The following POLH variants were observed in gnomAD, a reference collection of about 807,000 sequenced individuals.
POLH encodes the protein DNA polymerase eta, also known as DNA polymerase eta transcript.
Under a neutral mutation model 73.6 loss-of-function variants are expected in POLH, and 53 were observed. The ratio of observed to expected loss-of-function variants is 0.72; its 90% CI spans 0.58 to 0.91. The LOEUF is 0.91. Among genes scored for constraint, POLH ranks in the 40% least tolerant of loss-of-function variants. The probability of loss-of-function intolerance (pLI) is 0.00; values close to 1 mark genes in which losing one functional copy is unlikely to be tolerated. For missense variants in POLH, 768 were observed against 865.4 expected (o/e 0.89, Z 1.41); for synonymous variants, 292 against 308.5 (o/e 0.95, Z 0.56).
chr6:43,604,856 G>A (rs879715178), intron 8 of POLH, 118 bp downstream of exon 8: 1 of 1,053,072 alleles, frequency 9.5e-7, no homozygotes, highest in Non-Finnish European at 1.5e-6. Context: ...GAAGAAAACA[G>A]ATGTTCTGTC....
At chr6:43,585,746 A>G (rs1007057984) in intron 3 of POLH, among the ~76,000 whole-genome samples, 5 of 150,962 alleles carry the variant, frequency 3.3e-5, no homozygotes, top group Admixed American at 3.3e-4. Flanking sequence ...CTTGGATTCA[A>G]GTGATTCTCC....
chr6:43,592,823 T>C lies in POLH; in HGVS notation c.491-4873T>C, dbSNP rs532201527. 3.3e-5 allele frequency among the ~76,000 whole-genome samples: 5 copies of C among 152,380 alleles called. No homozygotes were observed. The East Asian group carries it at 9.6e-4, about 29-fold the overall frequency. ...AAACTTTCCCATCATTGCCATTTTG[T>C]AACTGGTTTGTTAGCTAAGGGCCTT... On this transcript the variant is annotated intron_variant, in intron 4 of 10. Transcript: ENST00000372236.
In POLH at chr6:43,614,915, ATCT is replaced by A; in HGVS notation, c.*359_*361del. The A allele has an allele frequency of 4.1e-6, 1 of 243,460 alleles. No individual in the cohort carries two copies. The highest frequency in any genetic ancestry group is 9.8e-5 in the East Asian group (1 of 10,186). 15.1% of individuals were successfully genotyped at this position (243,460 alleles called of 1,614,324 possible). ...AACAAGTCATTTTCTTCACATTCTC[ATCT>A]GTAAAATGGAGATAATACCTTACAG... On this transcript the variant is annotated 3_prime_UTR_variant, in exon 11 of 11. Transcript: ENST00000372236.
intron 5 of POLH, among the ~76,000 whole-genome samples, chr6:43,599,040 G>A (rs1025211107): frequency 6.9e-6 from 1 of 143,932 alleles, no homozygotes; most frequent in African/African-American, 2.6e-5. Context: ...CCAGGCTGGA[G>A]TTCAGTGGCC....
In POLH at chr6:43,619,523, G is replaced by T. The variant is rs891859797; in HGVS notation, c.*4966G>T. 1.3e-5 allele frequency among the ~76,000 whole-genome samples: 2 copies of T among 152,002 alleles called. No individual in the cohort carries two copies. The highest frequency in any genetic ancestry group is 2.4e-5 in the African/African-American group (1 of 41,382). On this transcript the variant is annotated 3_prime_UTR_variant, in exon 11 of 11. Transcript: ENST00000372236. ...TCATTGGATGAATGTATATAGTGAA[G>T]AATTTTAGATCTGATTACCACAATT...
intron 5 of POLH, among the ~76,000 whole-genome samples, chr6:43,599,963 A>G (rs976828202): frequency 1.3e-5 from 2 of 152,004 alleles, no homozygotes; most frequent in African/African-American, 2.4e-5. Context: ...GTTCAAGACC[A>G]GCCTGACCAA....
intron 1 of POLH, among the ~76,000 whole-genome samples, chr6:43,578,187 G>T (rs997129743): frequency 6.6e-6 from 1 of 151,860 alleles, no homozygotes; most frequent in Non-Finnish European, 1.5e-5. Context: ...AGGAGTTAGA[G>T]ACTAGCCTGG....
chr6:43,604,894 A>T (rs548980808), intron 8 of POLH, among the ~76,000 whole-genome samples, 156 bp downstream of exon 8: 1 of 152,300 alleles, frequency 6.6e-6, no homozygotes, highest in East Asian at 1.9e-4. Context: ...CTAGTTTATG[A>T]TTATTACTTT....
In POLH at chr6:43,615,292, G is replaced by C. The variant is rs1768249046; in HGVS notation, c.*735G>C. 1 of 145,094 alleles carries C rather than the reference G, an allele frequency of 6.9e-6. No individual in the cohort carries two copies. Among genetic ancestry groups the C allele is most frequent in the Non-Finnish European group, 1.5e-5 (1 of 66,802 alleles). 9.0% of individuals were successfully genotyped at this position (145,094 alleles called of 1,614,324 possible). ...AAATAAAAAATAGGGGCCAGGCACA[G>C]TGGCTCATACCTGTAATGCCAGCAC... On this transcript the variant is annotated 3_prime_UTR_variant, in exon 11 of 11. Coordinates refer to ENST00000372236, the MANE Select transcript of POLH (RefSeq NM_006502.3).
At chr6:43,587,782 A>C (rs1764991599) in intron 4 of POLH, among the ~76,000 whole-genome samples, 2 of 152,228 alleles carry the variant, frequency 1.3e-5, no homozygotes, top group Non-Finnish European at 2.9e-5. Context: ...TAATCCCAGC[A>C]CTTTGGGAGG....
In POLH at chr6:43,620,382, CT is replaced by C. The variant is rs774745255; in HGVS notation, c.*5828del. ...TGGTGAACGAGATACCAGCTGGGCT[CT>C]TTCCACATTCAGGGCTCAGCAGTGT... On this transcript the variant is annotated 3_prime_UTR_variant, in exon 11 of 11. Transcript: ENST00000372236. 2.0e-6 allele frequency: 1 copy of C among 497,448 alleles called. No individual in the cohort carries two copies. The highest frequency in any genetic ancestry group is 5.6e-5 in the East Asian group (1 of 17,866). 30.8% of individuals were successfully genotyped at this position (497,448 alleles called of 1,614,324 possible). A position where few individuals can be genotyped will look rare whatever the true frequency, so the allele number is the denominator to read the frequency against.
At chr6:43,602,075 T>A (rs925555165) in intron 6 of POLH, among the ~76,000 whole-genome samples, 7 of 152,094 alleles carry the variant, frequency 4.6e-5, no homozygotes, top group East Asian at 1.9e-4. Context: ...ATATAAAAAA[T>A]AAATAAATAA....
chr6:43,613,558 C>A, intron 10 of POLH, 102 bp from the exon 11 acceptor site: 1 of 985,270 alleles, frequency 1.0e-6, no homozygotes, highest in Non-Finnish European at 1.6e-6. Context: ...TTAAATCTGT[C>A]CTATGGTGAA....
intron 9 of POLH, among the ~76,000 whole-genome samples, chr6:43,607,873 T>C (rs1045860956): frequency 2.6e-5 from 4 of 152,090 alleles, no homozygotes; most frequent in Admixed American, 1.3e-4. Flanking sequence ...GGGCCGGGCG[T>C]GGTGGCTCAA....
intron 4 of POLH, among the ~76,000 whole-genome samples, chr6:43,593,706 C>T (rs1765721970): frequency 6.6e-6 from 1 of 151,866 alleles, no homozygotes; most frequent in Non-Finnish European, 1.5e-5. Context: ...ATGGTGAGAC[C>T]CTGTCTCTAC....
chr6:43,599,906 C>T (rs994863478), intron 5 of POLH, among the ~76,000 whole-genome samples: 1 of 151,934 alleles, frequency 6.6e-6, no homozygotes, highest in Non-Finnish European at 1.5e-5. Flanking sequence ...CACCTGTAAT[C>T]CCAGCACTTT....
Position 43,614,828 on chromosome 6 carries a change from G to A in POLH, c.*271G>A. The A allele has an allele frequency of 4.7e-6, 2 of 427,312 alleles. No individual in the cohort carries two copies. Among genetic ancestry groups the A allele is most frequent in the East Asian group, 4.2e-5 (1 of 23,926 alleles). 26.5% of individuals were successfully genotyped at this position (427,312 alleles called of 1,614,324 possible). On this transcript the variant is annotated 3_prime_UTR_variant, in exon 11 of 11. Coordinates refer to ENST00000372236, the MANE Select transcript of POLH (RefSeq NM_006502.3). ...AGTGTCATAAAGTAAAAAGTGTGTG[G>A]GCCTTGGAGTCTAAGAGACGTGGTT... is the stretch of plus-strand genomic sequence containing the variant.
rs1216470152 is a variant in POLH at position 43,614,123 on chromosome 6, G to T, written c.1708G>T (p.Glu570Ter). The change falls in exon 11 of 11, where the codon GAG (glutamate) becomes TAG (stop). Residue 570 changes from glutamate (E) to a stop codon, truncating the protein, a stop_gained. Transcript: ENST00000372236. LOFTEE classifies it high-confidence loss of function. ...AGCATTACCAAACTCTTTACCAACA[G>T]AGTATCCAGGGTGTGTCCCTGTTTG... ...CKALPNSLPT[E>*]YPGCVPVCEG... 6.2e-7 allele frequency: 1 copy of T among 1,614,196 alleles called. No homozygotes were observed. Among genetic ancestry groups the T allele is most frequent in the Non-Finnish European group, 8.5e-7 (1 of 1,180,034 alleles).
chr6:43,609,342 C>T (rs1306678334), intron 9 of POLH, among the ~76,000 whole-genome samples: 1 of 152,226 alleles, frequency 6.6e-6, no homozygotes, highest in Non-Finnish European at 1.5e-5. Context: ...TCAACAAGGA[C>T]TCCTTTATAA....
Sources: allele counts gnomAD v4.1 joint callset (sites outside exome capture counted in the v4.1 genomes callset), GRCh38; gene constraint gnomAD v4.1.1; transcripts MANE v1.5; gene names NCBI Gene and HGNC (gene_info 2026-07-23, HGNC 2026-07-21).